BAMBI: variants seen among roughly 807,000 people sequenced by gnomAD.
The protein encoded by BAMBI is BMP and activin membrane-bound inhibitor homolog.
BAMBI carries 21 observed loss-of-function variants against 24.1 expected under a neutral mutation model. That is an observed-to-expected ratio of 0.87 (90% CI 0.62 to 1.26). The LOEUF (loss-of-function observed/expected upper bound fraction) is 1.26, where lower values mean the gene tolerates loss of function less well. Ranked by LOEUF, BAMBI falls within the 50% of genes most tolerant of loss-of-function variation. The probability of loss-of-function intolerance (pLI) is 0.00; values close to 1 mark genes in which losing one functional copy is unlikely to be tolerated. For missense variants in BAMBI, 388 were observed against 329.1 expected, an observed-to-expected ratio of 1.18 and a Z score of -1.38; for synonymous variants, 156 against 123.1, an observed-to-expected ratio of 1.27 and a Z score of -1.77.
rs374748047 is a variant in BAMBI, at chr10:28,682,377, G to A, written c.759G>A (p.Gly253=). 1.6e-4 allele frequency: 265 copies of A among 1,610,558 alleles called. No homozygotes were observed. The highest frequency in any genetic ancestry group is 2.2e-4 in the Non-Finnish European group (256 of 1,177,028). ...TTGTTCACTGGGGCATGTACAGTGG[G>A]CACGGGAAGCTGGAATTCGTATGAC... ...LSLVHWGMYS[G]HGKLEFV Residue 253 remains glycine, a synonymous_variant, in exon 3 of 3, where the codon GGG becomes GGA. Coordinates refer to ENST00000375533, the MANE Select transcript of BAMBI (RefSeq NM_012342.3).
At position 28,681,438 on chromosome 10, in the gene BAMBI, G is replaced by A. The variant is rs1379318324; in HGVS notation, c.257G>A (p.Arg86Gln). 6.2e-6 allele frequency: 10 copies of A among 1,613,984 alleles called. No individual in the cohort carries two copies. The highest frequency in any genetic ancestry group is 1.3e-5 in the African/African-American group (1 of 74,902). The change falls in exon 2 of 3, where the codon CGA becomes CAA. Residue 86 changes from arginine to glutamine, a missense_variant. Arg to Gln is a conservative substitution (Grantham distance 43, BLOSUM62 1). Transcript: ENST00000375533. ...GACATCTGCCAAGCCAAACAGGCCC[G>A]AAACCACTCTGGCACCACCATACCC... ...TTDICQAKQA[R>Q]NHSGTTIPTL...
rs139273738 is a variant in BAMBI at position 28,682,051 on chromosome 10, T to C, written c.433T>C (p.Ser145Pro). ...LITKVQELTS[S>P]KELWFRAAVI... The stretch of plus-strand genomic sequence containing the variant: ...CACCAAGGTGCAGGAGCTGACTTCT[T>C]CCAAAGAGTTGTGGTTCCGGGCAGC... The change falls in exon 3 of 3, where the codon TCC becomes CCC. Residue 145 changes from serine to proline, a missense_variant. Physicochemically the swap from Ser to Pro is moderately conservative, Grantham distance 74 (BLOSUM62 -1). Transcript: ENST00000375533. 1.9e-5 allele frequency: 31 copies of C among 1,614,076 alleles called. No homozygotes were observed. Among genetic ancestry groups the C allele is most frequent in the Non-Finnish European group, 2.6e-5 (31 of 1,180,046 alleles).
chr10:28,681,389 C>CT lies in BAMBI; in HGVS notation c.209dup (p.Asp71GlyfsTer31). 6.2e-7 allele frequency: 1 copy of CT among 1,614,208 alleles called. No homozygotes were observed. Among genetic ancestry groups the CT allele is most frequent in the Non-Finnish European group, 8.5e-7 (1 of 1,180,038 alleles). On this transcript the variant is annotated frameshift_variant, in exon 2 of 3. Coordinates refer to ENST00000375533, the MANE Select transcript of BAMBI (RefSeq NM_012342.3). LOFTEE classifies it high-confidence loss of function. Reference sequence around the variant, plus strand: ...AAATTCCCCACTCACCCATGGCTGCCTGGACTCTCTTGCAAGCACGACAGA... The same window carrying CT: ...AAATTCCCCACTCACCCATGGCTGCCTTGGACTCTCTTGCAAGCACGACAGA...
At chr10:28,679,035 G>A (rs1737226541) in intron 1 of BAMBI, among the ~76,000 whole-genome samples, 1 of 152,186 alleles carries the variant, frequency 6.6e-6, no homozygotes. Context: ...TATGTAGCAG[G>A]CATGAGGTTA....
chr10:28,682,050 T>A lies in BAMBI; in HGVS notation c.432T>A (p.Ser144=), dbSNP rs1834503396. ...TCACCAAGGTGCAGGAGCTGACTTCTTCCAAAGAGTTGTGGTTCCGGGCAG... is the reference window on the plus strand; with the variant it reads ...TCACCAAGGTGCAGGAGCTGACTTCATCCAAAGAGTTGTGGTTCCGGGCAG... ...NLITKVQELT[S]SKELWFRAAV... is the part of the protein sequence containing the mutation. The change falls in exon 3 of 3, where the codon TCT becomes TCA. Residue 144 remains serine, a synonymous_variant. Transcript: ENST00000375533. 2 of 1,614,192 alleles carry A rather than the reference T, an allele frequency of 1.2e-6. No individual in the cohort carries two copies. The highest frequency in any genetic ancestry group is 1.3e-5 in the African/African-American group (1 of 75,066).
In BAMBI at chr10:28,682,493, T is replaced by A; in HGVS notation, c.*92T>A. The stretch of plus-strand genomic sequence containing the variant: ...CACTTTATCTGAAGACAAACTCATT[T>A]AATCATCTTTGAGAGACAAAATGAC... On this transcript the variant is annotated 3_prime_UTR_variant, in exon 3 of 3. Transcript: ENST00000375533. 8.2e-7 allele frequency: 1 copy of A among 1,214,842 alleles called. No individual in the cohort carries two copies. Among genetic ancestry groups the A allele is most frequent in the Non-Finnish European group, 1.2e-6 (1 of 865,658 alleles). The allele number at this position is 1,214,842 out of a possible 1,614,324, so 75.3% of individuals were successfully genotyped here.
At chr10:28,680,471 C>G (rs1834485779) in intron 1 of BAMBI, among the ~76,000 whole-genome samples, 1 of 152,194 alleles carries the variant, frequency 6.6e-6, no homozygotes, top group African/African-American at 2.4e-5. Context: ...AGTGTTTCCC[C>G]TTTTAGATCA....
In BAMBI at chr10:28,677,785, G is replaced by C. The variant is rs935147589; in HGVS notation, c.-113G>C. The C allele has an allele frequency of 1.5e-6, 1 of 672,832 alleles. No individual in the cohort carries two copies. Among genetic ancestry groups the C allele is most frequent in the Non-Finnish European group, 2.0e-6 (1 of 495,470 alleles). The allele number at this position is 672,832 out of a possible 1,614,324, so 41.7% of individuals were successfully genotyped here. ...CCCGAAACCCAGCCCCGCCGCTGACGGCGCCCGCCGCTCCGGGCAGGGCCC... is the reference window on the plus strand; with the variant it reads ...CCCGAAACCCAGCCCCGCCGCTGACCGCGCCCGCCGCTCCGGGCAGGGCCC... On this transcript the variant is annotated 5_prime_UTR_variant, in exon 1 of 3. Coordinates refer to ENST00000375533, the MANE Select transcript of BAMBI (RefSeq NM_012342.3).
rs1164453188 is a variant in BAMBI at position 28,682,435 on chromosome 10, C to T, written c.*34C>T. ...TATCTGAACTACACTTACTGAACAGCTTGAAGGCCTTTTGAGTTCTGCTGG... is the reference window on the plus strand; with the variant it reads ...TATCTGAACTACACTTACTGAACAGTTTGAAGGCCTTTTGAGTTCTGCTGG... On this transcript the variant is annotated 3_prime_UTR_variant, in exon 3 of 3. Coordinates refer to ENST00000375533, the MANE Select transcript of BAMBI (RefSeq NM_012342.3). 1 of 1,567,238 alleles carries T rather than the reference C, an allele frequency of 6.4e-7. No homozygotes were observed. The highest frequency in any genetic ancestry group is 2.3e-5 in the East Asian group (1 of 44,180).
chr10:28,682,758 T>G lies in BAMBI; in HGVS notation c.*357T>G, dbSNP rs933462819. ...TAAAGATTTAAAAGAAATATATATA[T>G]TTTGTCTGAAATTTAATAGTGTCTT... On this transcript the variant is annotated 3_prime_UTR_variant, in exon 3 of 3. Transcript: ENST00000375533. 4.1e-5 allele frequency: 7 copies of G among 172,576 alleles called. 1 individual carries two copies. The East Asian group carries it at 9.5e-4, about 23-fold the overall frequency. The allele number at this position is 172,576 out of a possible 1,614,324, so 10.7% of individuals were successfully genotyped here. A position where few individuals can be genotyped will look rare whatever the true frequency, so the allele number is the denominator to read the frequency against.
chr10:28,677,967 A>C lies in BAMBI; in HGVS notation c.70A>C (p.Thr24Pro). The C allele has an allele frequency of 1.3e-6, 2 of 1,525,490 alleles. No homozygotes were observed. Among genetic ancestry groups the C allele is most frequent in the Non-Finnish European group, 1.8e-6 (2 of 1,142,224 alleles). 94.5% of individuals were successfully genotyped at this position (1,525,490 alleles called of 1,614,324 possible). A position where few individuals can be genotyped will look rare whatever the true frequency, so the allele number is the denominator to read the frequency against. ...GCTCTGCGCCATGGCCGTGCTGCTC[A>C]CCAAAGGTGGGTGCCGGGGGCGCAC... ...LELCAMAVLL[T>P]KGEIRCYCDA... The change falls in exon 1 of 3, where the codon ACC becomes CCC. Residue 24 changes from threonine (T) to proline (P), a missense_variant. Coordinates refer to ENST00000375533, the MANE Select transcript of BAMBI (RefSeq NM_012342.3).
chr10:28,682,072 G>A lies in BAMBI; in HGVS notation c.454G>A (p.Ala152Thr), dbSNP rs768547499. ...LTSSKELWFR[A>T]AVIAVPIAGG... Reference sequence around the variant, plus strand: ...TTCTTCCAAAGAGTTGTGGTTCCGGGCAGCGGTCATTGCCGTGCCCATTGC... The same window carrying A: ...TTCTTCCAAAGAGTTGTGGTTCCGGACAGCGGTCATTGCCGTGCCCATTGC... Residue 152 changes from alanine to threonine, a missense_variant, in exon 3 of 3, where the codon GCA (alanine) becomes ACA (threonine). Coordinates refer to ENST00000375533, the MANE Select transcript of BAMBI (RefSeq NM_012342.3). 1.9e-6 allele frequency: 3 copies of A among 1,614,164 alleles called. No homozygotes were observed. Among genetic ancestry groups the A allele is most frequent in the East Asian group, 4.5e-5 (2 of 44,874 alleles).
At chr10:28,681,785 T>C (rs1451464707) in intron 2 of BAMBI, 198 bp from the exon 3 acceptor site, 8 of 742,414 alleles carry the variant, frequency 1.1e-5, no homozygotes, top group African/African-American at 1.8e-5. Context: ...TAAAAGGCCA[T>C]TACATCTCAG....
Position 28,677,831 on chromosome 10 carries a change from G to A in BAMBI, c.-67G>A, listed in dbSNP as rs1834452619. ...GGCCCATGCCCTGCGCGCTCCGGGG[G>A]TCGTAGGCTGCCGCCGAGCCGGGGC... On this transcript the variant is annotated 5_prime_UTR_variant, in exon 1 of 3. Coordinates refer to ENST00000375533, the MANE Select transcript of BAMBI (RefSeq NM_012342.3). 4.4e-6 allele frequency: 6 copies of A among 1,363,910 alleles called. No homozygotes were observed. The South Asian group carries it at 7.1e-5, about 16-fold the overall frequency. The allele number at this position is 1,363,910 out of a possible 1,614,324, so 84.5% of individuals were successfully genotyped here. A position where few individuals can be genotyped will look rare whatever the true frequency, so the allele number is the denominator to read the frequency against.
In BAMBI at chr10:28,681,250, G is replaced by C. The variant is rs758360976; in HGVS notation, c.77-8G>C. 1.7e-5 allele frequency: 28 copies of C among 1,607,066 alleles called. No individual in the cohort carries two copies. The highest frequency in any genetic ancestry group is 6.7e-5 in the East Asian group (3 of 44,848). Reference sequence around the variant, plus strand: ...GCAGAGTTTGAGGTGGTTTCTCATTGTTTTCAGGTGAAATTCGATGCTACT... The same window carrying C: ...GCAGAGTTTGAGGTGGTTTCTCATTCTTTTCAGGTGAAATTCGATGCTACT... On this transcript the variant is annotated splice_polypyrimidine_tract_variant and splice_region_variant and intron_variant, in intron 1 of 2. Transcript: ENST00000375533.
At position 28,681,310 on chromosome 10, in the gene BAMBI, G is replaced by A; in HGVS notation, c.129G>A (p.Met43Ile). 6.2e-7 allele frequency: 1 copy of A among 1,614,026 alleles called. No individual in the cohort carries two copies. The highest frequency in any genetic ancestry group is 8.5e-7 in the Non-Finnish European group (1 of 1,180,046). The change falls in exon 2 of 3, where the codon ATG becomes ATA. Residue 43 changes from methionine (M) to isoleucine (I), a missense_variant. Transcript: ENST00000375533. The part of the protein sequence containing the change: ...DAAHCVATGY[M>I]CKSELSACFS... ...CCCACTGTGTAGCCACTGGTTATAT[G>A]TGTAAATCTGAGCTCAGCGCCTGCT...
At position 28,681,344 on chromosome 10, in the gene BAMBI, C is replaced by CGTCTA; in HGVS notation, c.163_164insGTCTA (p.Leu55ArgfsTer90). The stretch of plus-strand genomic sequence containing the variant: ...TGAGCTCAGCGCCTGCTTCTCTAGA[C>CGTCTA]TTCTTGATCCTCAGAACTCAAATTC... On this transcript the variant is annotated frameshift_variant, in exon 2 of 3. Coordinates refer to ENST00000375533, the MANE Select transcript of BAMBI (RefSeq NM_012342.3). LOFTEE classifies it high-confidence loss of function. 6.2e-7 allele frequency: 1 copy of CGTCTA among 1,614,190 alleles called. No individual in the cohort carries two copies. Among genetic ancestry groups the CGTCTA allele is most frequent in the Non-Finnish European group, 8.5e-7 (1 of 1,180,032 alleles).
rs1445438893 is a variant in BAMBI at position 28,681,418 on chromosome 10, C to T, written c.237C>T (p.Ile79=). The change falls in exon 2 of 3, where the codon ATC becomes ATT. Residue 79 remains isoleucine, a synonymous_variant. Coordinates refer to ENST00000375533, the MANE Select transcript of BAMBI (RefSeq NM_012342.3). The part of the protein sequence containing the change: ...CLDSLASTTD[I]CQAKQARNHS... The stretch of plus-strand genomic sequence containing the variant: ...ACTCTCTTGCAAGCACGACAGACAT[C>T]TGCCAAGCCAAACAGGCCCGAAACC... The T allele has an allele frequency of 6.2e-7, 1 of 1,614,120 alleles. No individual in the cohort carries two copies. Among genetic ancestry groups the T allele is most frequent in the African/African-American group, 1.3e-5 (1 of 74,940 alleles).
intron 1 of BAMBI, among the ~76,000 whole-genome samples, chr10:28,679,848 A>G (rs188195698): frequency 1.1e-4 from 17 of 151,686 alleles, no homozygotes; most frequent in Non-Finnish European, 1.9e-4. Context: ...GTGGTTCTGC[A>G]AAGCAAGGTT....
Sources: allele counts gnomAD v4.1 joint callset (sites outside exome capture counted in the v4.1 genomes callset), GRCh38; gene constraint gnomAD v4.1.1; transcripts MANE v1.5; gene names NCBI Gene and HGNC (gene_info 2026-07-23, HGNC 2026-07-21).